Variants in RBFOX1 observed in about 807,000 individuals in gnomAD.
RBFOX1 encodes RNA binding fox-1 homolog 1.
A neutral mutation model predicts 57.7 loss-of-function variants in RBFOX1; 8 were observed. That is an observed-to-expected ratio of 0.14 (90% CI 0.08 to 0.25). The LOEUF (loss-of-function observed/expected upper bound fraction) is 0.25, where lower values mean the gene tolerates loss of function less well. Ranked by LOEUF, RBFOX1 falls within the 10% of genes least tolerant of loss-of-function variation. RBFOX1 has a pLI of 1.00. For missense variants in RBFOX1, 611 were observed against 548.5 expected, an observed-to-expected ratio of 1.11 and a Z score of -1.14; for synonymous variants, 326 against 222.4, an observed-to-expected ratio of 1.47 and a Z score of -4.15.
intron 2 of RBFOX1, among the ~76,000 whole-genome samples, chr16:6,321,719 A>C (rs769373507): frequency 6.6e-6 from 1 of 152,216 alleles, no homozygotes; most frequent in Non-Finnish European, 1.5e-5. Context: ...GAGATAGATA[A>C]ATGCATCCAC....
Position 6,097,385 on chromosome 16 carries a change from A to G in RBFOX1, c.-127+77393A>G, listed in dbSNP as rs746723514. On this transcript the variant is annotated intron_variant, in intron 1 of 15. Coordinates refer to ENST00000550418, the MANE Select transcript of RBFOX1 (RefSeq NM_018723.4). The surrounding 1 kb of genome is among the most constrained non-coding windows in gnomAD (Gnocchi z 5.0). ...CAAGCCGCCACTCTAGAGAAGTACC[A>G]CTCAAACCATGGTCTGCAGACTACC... Among the ~76,000 whole-genome samples, 1 of 151,956 alleles carries G rather than the reference A, an allele frequency of 6.6e-6. No homozygotes were observed. The highest frequency in any genetic ancestry group is 1.9e-4 in the East Asian group (1 of 5,172).
chr16:6,441,201 C>T (rs767134667), intron 2 of RBFOX1, among the ~76,000 whole-genome samples: 4 of 151,988 alleles, frequency 2.6e-5, no homozygotes, highest in Non-Finnish European at 5.9e-5. Context: ...CTAATAATGT[C>T]TAATGCCGCT....
At chr16:7,120,430 G>C (rs1173464603) in intron 4 of RBFOX1, among the ~76,000 whole-genome samples, 2 of 151,920 alleles carry the variant, frequency 1.3e-5, no homozygotes, top group Non-Finnish European at 2.9e-5. Context: ...ATTCTAGCAA[G>C]ACTGACAAAA....
intron 2 of RBFOX1, among the ~76,000 whole-genome samples, chr16:6,557,919 C>G (rs989737321): frequency 6.6e-6 from 1 of 152,138 alleles, no homozygotes; most frequent in Non-Finnish European, 1.5e-5. Context: ...CAGCGATATA[C>G]TGCTTATGGC....
intron 3 of RBFOX1, among the ~76,000 whole-genome samples, chr16:5,777,069 C>T (rs1260147956): frequency 6.6e-6 from 1 of 152,224 alleles, no homozygotes; most frequent in Non-Finnish European, 1.5e-5. Flanking sequence ...CTGACGTCAT[C>T]CATTGCTGCT....
chr16:6,897,625 C>G (rs1031201649), intron 3 of RBFOX1, among the ~76,000 whole-genome samples: 2 of 151,902 alleles, frequency 1.3e-5, no homozygotes, highest in Admixed American at 6.6e-5. Flanking sequence ...AACCCCATCT[C>G]TATTAAAACA....
At chr16:7,088,243 C>A (rs1450709268) in intron 4 of RBFOX1, among the ~76,000 whole-genome samples, 1 of 152,110 alleles carries the variant, frequency 6.6e-6, no homozygotes, top group Non-Finnish European at 1.5e-5. Context: ...GAAGCAAATC[C>A]TACATCACTT....
intron 4 of RBFOX1, among the ~76,000 whole-genome samples, chr16:7,504,727 ATAT>A (rs2072280227): frequency 3.5e-4 from 2 of 5,766 alleles, no homozygotes; most frequent in African/African-American, 7.2e-4. Context: ...ATATATATAT[ATAT>A]ATATATATAT....
chr16:7,456,993 C>A (rs1029746716), intron 4 of RBFOX1, among the ~76,000 whole-genome samples: 4 of 152,054 alleles, frequency 2.6e-5, no homozygotes, highest in African/African-American at 9.7e-5. Context: ...TGGATCCAAG[C>A]AATTCTGCCT....
chr16:7,338,999 C>A (rs117279874), intron 4 of RBFOX1, among the ~76,000 whole-genome samples: 1 of 152,110 alleles, frequency 6.6e-6, no homozygotes. Flanking sequence ...AGTCACTAAG[C>A]GGACTTTTCT....
chr16:7,306,663 C>A (rs2096195764), intron 4 of RBFOX1, among the ~76,000 whole-genome samples: 1 of 151,670 alleles, frequency 6.6e-6, no homozygotes, highest in Admixed American at 6.6e-5. Context: ...TTTATTTTTG[C>A]CTGTTTCATT....
At chr16:7,195,807 C>A (rs2152682569) in intron 4 of RBFOX1, among the ~76,000 whole-genome samples, 1 of 152,270 alleles carries the variant, frequency 6.6e-6, no homozygotes, top group South Asian at 2.1e-4. Flanking sequence ...CCTGCCTCTG[C>A]CTCCCAAAGT....
At chr16:7,028,146 G>C (rs914496409) in intron 3 of RBFOX1, among the ~76,000 whole-genome samples, 1 of 152,140 alleles carries the variant, frequency 6.6e-6, no homozygotes, top group Non-Finnish European at 1.5e-5. Flanking sequence ...TGGAAGTCAA[G>C]GTCCAATATA....
intron 1 of RBFOX1, among the ~76,000 whole-genome samples, chr16:6,172,297 T>A (rs1273815930): frequency 6.6e-6 from 1 of 152,170 alleles, no homozygotes; most frequent in Non-Finnish European, 1.5e-5. Flanking sequence ...CGTCCTCATC[T>A]TCTGCAAGTT....
chr16:7,295,033 G>T (rs1435277941), intron 4 of RBFOX1, among the ~76,000 whole-genome samples: 1 of 152,062 alleles, frequency 6.6e-6, no homozygotes, highest in Non-Finnish European at 1.5e-5. Context: ...TTACCATCTG[G>T]CCAGAAGTAA....
chr16:6,712,594 T>A, intron 3 of RBFOX1, among the ~76,000 whole-genome samples: 1 of 152,172 alleles, frequency 6.6e-6, no homozygotes, highest in Admixed American at 6.5e-5. Context: ...CATGGCAAGA[T>A]AATATAATTT....
At chr16:6,187,066 T>A (rs939746636) in intron 1 of RBFOX1, among the ~76,000 whole-genome samples, 3 of 152,168 alleles carry the variant, frequency 2.0e-5, no homozygotes, top group African/African-American at 7.2e-5. Context: ...TGAGCATCAG[T>A]TATCATGGAC....
chr16:5,909,180 C>T (rs1287797261), intron 4 of RBFOX1, among the ~76,000 whole-genome samples: 1 of 149,374 alleles, frequency 6.7e-6, no homozygotes, highest in African/African-American at 2.5e-5. Flanking sequence ...GCAAGCTCCG[C>T]CTCCCGGGTT....
At chr16:7,611,152 T>G (rs1375996348) in intron 10 of RBFOX1, among the ~76,000 whole-genome samples, 1 of 152,202 alleles carries the variant, frequency 6.6e-6, no homozygotes, top group Non-Finnish European at 1.5e-5. Flanking sequence ...CAACCCAGCC[T>G]CCCGTTGTCT....
Sources: gnomAD v4.1 joint callset for allele counts (sites outside exome capture counted in the v4.1 genomes callset) on GRCh38, gnomAD v4.1.1 for gene constraint, Gnocchi (gnomAD v3.1) non-coding constraint, MANE v1.5 for transcripts, NCBI Gene and HGNC (gene_info 2026-07-23, HGNC 2026-07-21) for gene names.